The following MAF variants were observed in gnomAD, a reference collection of about 807,000 sequenced individuals.
The protein encoded by MAF is MAF bZIP transcription factor.
A neutral mutation model predicts 22.0 loss-of-function variants in MAF; 10 were observed. That is an observed-to-expected ratio of 0.45 (90% CI 0.28 to 0.77). MAF has a LOEUF of 0.77. Ranked by LOEUF, MAF falls within the 30% of genes least tolerant of loss-of-function variation. The pLI is 0.12. For missense variants in MAF, 544 were observed against 548.4 expected (o/e 0.99, Z 0.08); for synonymous variants, 337 against 255.8 (o/e 1.32, Z -3.03).
At chr16:79,243,101 A>T in the MAF span, among the ~76,000 whole-genome samples, 1 of 151,996 alleles carries the variant, frequency 6.6e-6, no homozygotes, top group African/African-American at 2.4e-5. Flanking sequence ...AAAGCAAGAA[A>T]GGATCTAAAA....
At chr16:79,238,268 C>A in the MAF span, among the ~76,000 whole-genome samples, 1 of 152,100 alleles carries the variant, frequency 6.6e-6, no homozygotes, top group East Asian at 1.9e-4. Flanking sequence ...AGGACCCAAG[C>A]TGTCCCTGGT....
At chr16:79,411,371 G>A in the MAF span, among the ~76,000 whole-genome samples, 2 of 152,112 alleles carry the variant, frequency 1.3e-5, no homozygotes, top group Non-Finnish European at 1.5e-5. Flanking sequence ...CCTGTATTAT[G>A]AACACTTGAG....
chr16:79,502,120 G>T, the MAF span, among the ~76,000 whole-genome samples: 2 of 152,042 alleles, frequency 1.3e-5, no homozygotes, highest in Admixed American at 6.6e-5. Flanking sequence ...TCTCCCAGCC[G>T]AGTACCCTCT....
At chr16:79,556,983 TAAA>T in the MAF span, among the ~76,000 whole-genome samples, 50 of 146,058 alleles carry the variant, frequency 3.4e-4, no homozygotes, top group South Asian at 6.5e-4. Flanking sequence ...CAACAAGCTT[TAAA>T]AAAAAAAAAA....
At chr16:79,253,099 C>G in the MAF span, among the ~76,000 whole-genome samples, 1 of 152,166 alleles carries the variant, frequency 6.6e-6, no homozygotes, top group Non-Finnish European at 1.5e-5. Context: ...CTATAATTAC[C>G]CGGTCCTCCT....
chr16:79,542,054 T>G, the MAF span, among the ~76,000 whole-genome samples: 1 of 152,162 alleles, frequency 6.6e-6, no homozygotes, highest in Non-Finnish European at 1.5e-5. Flanking sequence ...AAAGCTAAGC[T>G]GGTTGGTCCC....
the MAF span, among the ~76,000 whole-genome samples, chr16:79,297,493 G>T: frequency 0.01 from 1,589 of 152,280 alleles, 27 homozygotes; most frequent in African/African-American, 0.037. Flanking sequence ...AGCATCCCAA[G>T]TTGACCATAT....
chr16:79,373,511 T>G, the MAF span, among the ~76,000 whole-genome samples: 4 of 151,560 alleles, frequency 2.6e-5, no homozygotes, highest in Non-Finnish European at 4.4e-5. Flanking sequence ...GCCTCCCAAG[T>G]AGCTGGAATT....
chr16:79,324,923 T>C, the MAF span, among the ~76,000 whole-genome samples: 14 of 152,146 alleles, frequency 9.2e-5, no homozygotes, highest in Admixed American at 9.2e-4. Flanking sequence ...TCTTGCCTCT[T>C]TGAGCTTCTG....
At chr16:79,279,704 G>A in the MAF span, among the ~76,000 whole-genome samples, 3 of 152,158 alleles carry the variant, frequency 2.0e-5, no homozygotes, top group Non-Finnish European at 2.9e-5. Flanking sequence ...ATGTTGCCTC[G>A]CGCAGGGGTT....
the MAF span, among the ~76,000 whole-genome samples, chr16:79,243,428 C>T: frequency 6.6e-6 from 1 of 151,934 alleles, no homozygotes; most frequent in Non-Finnish European, 1.5e-5. Flanking sequence ...TCAGGGAATA[C>T]TATAAACACC....
chr16:79,455,889 A>G, the MAF span, among the ~76,000 whole-genome samples: 2 of 152,028 alleles, frequency 1.3e-5, no homozygotes, highest in Non-Finnish European at 1.5e-5. Flanking sequence ...GTGGAGGCGC[A>G]TTCCTGTAAT....
the MAF span, among the ~76,000 whole-genome samples, chr16:79,413,244 T>G: frequency 0.017 from 886 of 52,134 alleles, 85 homozygotes; most frequent in African/African-American, 0.059. Context: ...TTTTTTTTTT[T>G]TTTTTTTTTT....
At chr16:79,215,822 C>A in the MAF span, among the ~76,000 whole-genome samples, 1 of 152,168 alleles carries the variant, frequency 6.6e-6, no homozygotes, top group Non-Finnish European at 1.5e-5. Flanking sequence ...CTGTAGGAGT[C>A]CTCACAAAGC....
the MAF span, among the ~76,000 whole-genome samples, chr16:79,306,886 T>G: frequency 6.6e-6 from 1 of 152,206 alleles, no homozygotes; most frequent in African/African-American, 2.4e-5. Context: ...AGTAGCTGCA[T>G]TACAGGGTTG....
the MAF span, among the ~76,000 whole-genome samples, chr16:79,304,977 C>T: frequency 1.1e-4 from 16 of 152,224 alleles, no homozygotes; most frequent in East Asian, 3.1e-3. Context: ...AGCACTAATT[C>T]AGAATGGATG....
the MAF span, among the ~76,000 whole-genome samples, chr16:79,464,160 C>A: frequency 6.6e-6 from 1 of 152,162 alleles, no homozygotes; most frequent in Non-Finnish European, 1.5e-5. Context: ...AAGAATCAAT[C>A]ATGCATTGTG....
the MAF span, among the ~76,000 whole-genome samples, chr16:79,491,368 C>G: frequency 2.6e-5 from 4 of 152,140 alleles, no homozygotes; most frequent in Admixed American, 2.6e-4. Context: ...CCAAACAAAC[C>G]AGCAAACAAA....
the MAF span, among the ~76,000 whole-genome samples, chr16:79,505,871 G>A: frequency 0.084 from 12,798 of 152,126 alleles, 763 homozygotes; most frequent in Admixed American, 0.2. Context: ...ACCAGAATGC[G>A]GGAGAACTTG....
Sources: allele counts gnomAD v4.1 joint callset (sites outside exome capture counted in the v4.1 genomes callset), GRCh38; gene constraint gnomAD v4.1.1; transcripts MANE v1.5; gene names NCBI Gene and HGNC (gene_info 2026-07-23, HGNC 2026-07-21).